PIK3C3: variants seen among roughly 807,000 people sequenced by gnomAD.
PIK3C3 encodes the protein PI3-kinase type 3.
In PIK3C3, 95 loss-of-function variants were observed where a neutral mutation model predicts 126.1. The observed-to-expected ratio is 0.75, with a 90% confidence interval of 0.64 to 0.89. PIK3C3 has a LOEUF of 0.89. Ranked by LOEUF, PIK3C3 falls within the 40% of genes least tolerant of loss-of-function variation. The pLI, the probability that PIK3C3 is intolerant of heterozygous loss-of-function variation, is 0.00. For synonymous variants in PIK3C3, 374 were observed against 360.0 expected (o/e 1.04, Z -0.44); for missense variants, 829 against 1,063.2 (o/e 0.78, Z 3.06).
intron 24 of PIK3C3, among the ~76,000 whole-genome samples, chr18:42,071,089 T>C (rs1043080907): frequency 1.3e-5 from 2 of 152,220 alleles, no homozygotes; most frequent in African/African-American, 4.8e-5. Context: ...CTAGGATAGA[T>C]TGTTGATAAC....
intron 24 of PIK3C3, among the ~76,000 whole-genome samples, chr18:42,076,104 A>ATG (rs1985973020): frequency 5.3e-5 from 4 of 75,708 alleles, no homozygotes; most frequent in African/African-American, 2.7e-4. Context: ...ATATATATAT[A>ATG]TATATATATA....
chr18:41,980,557 A>G (rs1025772047), intron 4 of PIK3C3, among the ~76,000 whole-genome samples: 1 of 152,212 alleles, frequency 6.6e-6, no homozygotes, highest in South Asian at 2.1e-4. Flanking sequence ...TACCCACAAT[A>G]TAAAACAATT....
At chr18:42,072,405 G>A (rs1460288172) in intron 24 of PIK3C3, among the ~76,000 whole-genome samples, 1 of 152,082 alleles carries the variant, frequency 6.6e-6, no homozygotes, top group South Asian at 2.1e-4. Context: ...TCCTTAGGAA[G>A]GGTAGAGATT....
chr18:42,005,658 C>T (rs542473901), intron 10 of PIK3C3, among the ~76,000 whole-genome samples: 12 of 152,214 alleles, frequency 7.9e-5, no homozygotes, highest in African/African-American at 1.7e-4. Context: ...CAATGTCGAT[C>T]GCATAGAACA....
intron 21 of PIK3C3, 166 bp downstream of exon 21, chr18:42,049,771 C>T (rs865815856): frequency 1.4e-5 from 7 of 503,556 alleles, no homozygotes; most frequent in Middle Eastern, 4.3e-4. Context: ...GTTGGGAGTT[C>T]GAGACCAGCC....
At chr18:42,080,185 C>T (rs1568016046) in intron 24 of PIK3C3, among the ~76,000 whole-genome samples, 1 of 152,094 alleles carries the variant, frequency 6.6e-6, no homozygotes, top group African/African-American at 2.4e-5. Flanking sequence ...AGTTTATTTT[C>T]TCTGATAATT....
chr18:42,003,266 A>T lies in PIK3C3; in HGVS notation c.985-1090A>T, dbSNP rs112618240. On this transcript the variant is annotated intron_variant, in intron 9 of 24. Transcript: ENST00000262039. ...AATTGATTAGTTTACTAATAAAAAG[A>T]TTTTGGTTGGGCAGAGCAGGGGTCT... Among the ~76,000 whole-genome samples, 682 of 152,228 alleles carry T rather than the reference A, an allele frequency of 4.5e-3. 3 individuals carry two copies. Among genetic ancestry groups the T allele is most frequent in the African/African-American group, 0.016 (651 of 41,522 alleles).
At chr18:42,044,491 C>T (rs776655677) in intron 20 of PIK3C3, among the ~76,000 whole-genome samples, 3 of 152,002 alleles carry the variant, frequency 2.0e-5, no homozygotes, top group Non-Finnish European at 2.9e-5. Flanking sequence ...CAGCTTACTG[C>T]GGCCTGGACC....
At position 41,996,631 on chromosome 18, in the gene PIK3C3, G is replaced by A. The variant is rs867533310; in HGVS notation, c.892-7G>A. The A allele has an allele frequency of 9.0e-6, 13 of 1,447,750 alleles. No homozygotes were observed. In the Middle Eastern group the frequency reaches 5.4e-4, roughly 60 times the overall value. The allele number at this position is 1,447,750 out of a possible 1,614,324, so 89.7% of individuals were successfully genotyped here. A position where few individuals can be genotyped will look rare whatever the true frequency, so the allele number is the denominator to read the frequency against. On this transcript the variant is annotated splice_polypyrimidine_tract_variant and splice_region_variant and intron_variant, in intron 8 of 24. Transcript: ENST00000262039. ...CAAAATTAGTTCTTTTTCTTTTTTT[G>A]TTTTAGATTATTGTGAGTTATCCAC...
chr18:42,037,500 A>T (rs1984108453), intron 16 of PIK3C3, among the ~76,000 whole-genome samples, 192 bp from the exon 17 acceptor site: 1 of 152,238 alleles, frequency 6.6e-6, no homozygotes, highest in Non-Finnish European at 1.5e-5. Flanking sequence ...TCCATCGTGT[A>T]GTCTTCTGAC....
chr18:42,038,007 T>G (rs966122617), intron 17 of PIK3C3, among the ~76,000 whole-genome samples, 187 bp downstream of exon 17: 2 of 152,212 alleles, frequency 1.3e-5, no homozygotes, highest in African/African-American at 4.8e-5. Context: ...GTTTTTGTGT[T>G]GAGTATAAAT....
At chr18:42,043,659 CTATT>C (rs1984427748) in intron 19 of PIK3C3, 70 bp from the exon 20 acceptor site, 5 of 918,662 alleles carry the variant, frequency 5.4e-6, no homozygotes, top group African/African-American at 1.6e-5. Context: ...TTGCTGGTCA[CTATT>C]TATAGTTTCA....
At chr18:42,025,776 A>G (rs1473410699) in intron 13 of PIK3C3, 1 of 152,246 alleles carries the variant, frequency 6.6e-6, no homozygotes, top group African/African-American at 2.4e-5. Context: ...CCTTAGATGT[A>G]AAAAATGAAT....
intron 4 of PIK3C3, among the ~76,000 whole-genome samples, chr18:41,986,521 TG>T (rs1981484861): frequency 6.6e-6 from 1 of 152,078 alleles, no homozygotes; most frequent in African/African-American, 2.4e-5. Context: ...ATTTTATTGA[TG>T]TGGGTTCAGA....
At chr18:41,969,851 A>G (rs9965466) in intron 3 of PIK3C3, among the ~76,000 whole-genome samples, 11,838 of 152,264 alleles carry the variant, frequency 0.078, 890 homozygotes, top group East Asian at 0.26. Flanking sequence ...AGTTTACCCT[A>G]GGTTATGTGG....
rs748114117 is a variant in PIK3C3 at position 41,962,609 on chromosome 18, G to A, written c.378G>A (p.Thr126=). 6.8e-6 allele frequency: 11 copies of A among 1,610,792 alleles called. No individual in the cohort carries two copies. The South Asian group carries it at 1.1e-4, about 16-fold the overall frequency. ...AAGCAGTGCCTGTAGGAGGAACAAC[G>A]GTTTCGCTCTTTGGAAAATACGGGT... The part of the protein sequence containing the change: ...PGKAVPVGGT[T]VSLFGKYGMF... Residue 126 remains threonine, a synonymous_variant, in exon 3 of 25, where the codon ACG becomes ACA. Transcript: ENST00000262039.
intron 4 of PIK3C3, among the ~76,000 whole-genome samples, chr18:41,984,715 C>T (rs1049822919): frequency 1.3e-5 from 2 of 152,132 alleles, no homozygotes; most frequent in Non-Finnish European, 2.9e-5. Context: ...CACACCTGCT[C>T]CCTTGCAGTG....
chr18:41,996,820 A>T (rs1982048228), intron 9 of PIK3C3, 90 bp downstream of exon 9: 1 of 711,626 alleles, frequency 1.4e-6, no homozygotes, highest in Non-Finnish European at 2.4e-6. Context: ...GGAAATTGTT[A>T]TTGTCACTTT....
intron 19 of PIK3C3, among the ~76,000 whole-genome samples, chr18:42,042,406 T>C (rs528922916): frequency 6.6e-6 from 1 of 152,298 alleles, no homozygotes; most frequent in Non-Finnish European, 1.5e-5. Context: ...ACTACATGTT[T>C]AGTCTGTAAG....
Sources: gnomAD v4.1 joint callset for allele counts (sites outside exome capture counted in the v4.1 genomes callset) on GRCh38, gnomAD v4.1.1 for gene constraint, MANE v1.5 for transcripts, NCBI Gene and HGNC (gene_info 2026-07-23, HGNC 2026-07-21) for gene names.